Variants in MYO1H observed in about 807,000 individuals in gnomAD.
MYO1H encodes unconventional myosin-Ih.
In MYO1H, 118 loss-of-function variants were observed where a neutral mutation model predicts 149.3. The observed-to-expected ratio is 0.79, with a 90% CI of 0.68 to 0.92. The LOEUF is 0.92. MYO1H is among the 40% of genes least tolerant of loss of function. The probability of loss-of-function intolerance (pLI) is 0.00; values close to 1 mark genes in which losing one functional copy is unlikely to be tolerated. For synonymous variants in MYO1H, 447 were observed against 465.2 expected (o/e 0.96, Z 0.50); for missense variants, 1,212 against 1,280.7 (o/e 0.95, Z 0.82).
Position 109,444,074 on chromosome 12 carries a change from A to G in MYO1H, c.2825-139A>G. ...AGCCCACTAGCAGGCTAAGATTTCT[A>G]AAGTATGCCCTTCATCCTTCTGGGC... On this transcript the variant is annotated intron_variant, in intron 28 of 31. Transcript: ENST00000310903. 7.1e-6 allele frequency: 5 copies of G among 699,568 alleles called. No homozygotes were observed. The East Asian group carries it at 1.0e-4, about 14-fold the overall frequency. 43.3% of individuals were successfully genotyped at this position (699,568 alleles called of 1,614,324 possible). A position where few individuals can be genotyped will look rare whatever the true frequency, so the allele number is the denominator to read the frequency against.
the MYO1H span, among the ~76,000 whole-genome samples, chr12:109,331,771 A>C: frequency 6.6e-6 from 1 of 152,216 alleles, no homozygotes; most frequent in African/African-American, 2.4e-5. Flanking sequence ...ACAGCTTGAA[A>C]ATGTAGCTCC....
intron 1 of MYO1H, among the ~76,000 whole-genome samples, chr12:109,358,440 GCTAA>G (rs1412041272): frequency 6.6e-6 from 1 of 152,024 alleles, no homozygotes; most frequent in Admixed American, 6.6e-5. Context: ...TCTCCACAAG[GCTAA>G]CTAATTTTCC....
At chr12:109,380,193 G>A (rs1869174966) in intron 1 of MYO1H, among the ~76,000 whole-genome samples, 1 of 151,964 alleles carries the variant, frequency 6.6e-6, no homozygotes, top group African/African-American at 2.4e-5. Flanking sequence ...CCGCACCCAG[G>A]CCAATTTTAA....
chr12:109,340,764 G>A, the MYO1H span, among the ~76,000 whole-genome samples: 7 of 152,220 alleles, frequency 4.6e-5, no homozygotes, highest in Admixed American at 6.5e-5. Flanking sequence ...TTTCAACTCC[G>A]GCAAATCTGT....
chr12:109,411,887 T>C lies in MYO1H; in HGVS notation c.1411-7T>C. 6.3e-7 allele frequency: 1 copy of C among 1,594,018 alleles called. No individual in the cohort carries two copies. Among genetic ancestry groups the C allele is most frequent in the East Asian group, 2.3e-5 (1 of 44,356 alleles). ...TGTGGATTGAGGCTTCTCTTTTTCT[T>C]TTGAAGGATGAAGAATGCATTCGGC... On this transcript the variant is annotated splice_polypyrimidine_tract_variant and splice_region_variant and intron_variant, in intron 13 of 31. Coordinates refer to ENST00000310903, the Ensembl canonical transcript of MYO1H.
At chr12:109,393,943 A>C (rs774362775) in intron 3 of MYO1H, among the ~76,000 whole-genome samples, 1 of 150,678 alleles carries the variant, frequency 6.6e-6, no homozygotes, top group Non-Finnish European at 1.5e-5. Context: ...CTGGTGCCTG[A>C]GTGTCATAGC....
At chr12:109,375,881 A>G (rs1487570370) in intron 1 of MYO1H, among the ~76,000 whole-genome samples, 1 of 152,158 alleles carries the variant, frequency 6.6e-6, no homozygotes, top group Non-Finnish European at 1.5e-5. Flanking sequence ...TGGGAAGCTA[A>G]GGCAAGAGGA....
intron 8 of MYO1H, 119 bp from the exon 9 acceptor site, chr12:109,406,670 A>T: frequency 2.2e-6 from 2 of 889,686 alleles, no homozygotes; most frequent in East Asian, 2.6e-5. Flanking sequence ...ACAATGAGCT[A>T]TGATTGTGCC....
At chr12:109,431,829 C>T (rs1408684656) in intron 19 of MYO1H, among the ~76,000 whole-genome samples, 1 of 151,842 alleles carries the variant, frequency 6.6e-6, no homozygotes, top group African/African-American at 2.4e-5. Context: ...AGCATGGAAC[C>T]CTTTCTTTCT....
chr12:109,345,854 T>G (rs1240154494), upstream of MYO1H, among the ~76,000 whole-genome samples: 1 of 152,172 alleles, frequency 6.6e-6, no homozygotes. Flanking sequence ...TCATGAAAGG[T>G]CACATATTGT....
At chr12:109,434,460 C>T (rs947632162) in intron 20 of MYO1H, among the ~76,000 whole-genome samples, 1 of 152,194 alleles carries the variant, frequency 6.6e-6, no homozygotes, top group African/African-American at 2.4e-5. Context: ...CACCACTGCA[C>T]TCCAGCCTGG....
the MYO1H span, among the ~76,000 whole-genome samples, chr12:109,318,986 T>TTTTTTTG: frequency 6.8e-5 from 10 of 146,642 alleles, no homozygotes; most frequent in Admixed American, 1.4e-4. Context: ...TTTTTTTTTT[T>TTTTTTTG]TTTTTTTTGC....
chr12:109,441,631 TTA>T lies in MYO1H; in HGVS notation c.2556_2557del (p.Thr853LysfsTer2). ...TATTACCAGATGCAGCAAAAGGTAG[TTA>T]CAAGTGAAATCTTCAGGGGAAGGAA... On this transcript the variant is annotated frameshift_variant, in exon 26 of 32. Coordinates refer to ENST00000310903, the Ensembl canonical transcript of MYO1H. LOFTEE classifies it high-confidence loss of function. 6.2e-7 allele frequency: 1 copy of T among 1,611,524 alleles called. No homozygotes were observed. The highest frequency in any genetic ancestry group is 8.5e-7 in the Non-Finnish European group (1 of 1,178,794).
At chr12:109,440,591 G>A (rs945821681) in intron 24 of MYO1H, 153 bp from the exon 25 acceptor site, 2 of 626,050 alleles carry the variant, frequency 3.2e-6, no homozygotes, top group East Asian at 2.8e-5. Context: ...AGAGGATCAG[G>A]TTAGCTGCTG....
upstream of MYO1H, among the ~76,000 whole-genome samples, chr12:109,344,184 T>G (rs914327272): frequency 6.6e-6 from 1 of 152,174 alleles, no homozygotes; most frequent in Non-Finnish European, 1.5e-5. Flanking sequence ...CACATCACAT[T>G]AAGGGCACAT....
intron 9 of MYO1H, 27 bp from the exon 10 acceptor site, chr12:109,407,767 A>G (rs1413698770): frequency 2.5e-6 from 4 of 1,610,682 alleles, no homozygotes; most frequent in South Asian, 2.2e-5. Context: ...TTCCACCTAT[A>G]ATGATGCACC....
intron 28 of MYO1H, among the ~76,000 whole-genome samples, chr12:109,443,901 CAAAAAAA>C (rs370108094): frequency 7.1e-6 from 1 of 141,172 alleles, no homozygotes; most frequent in African/African-American, 2.6e-5. Flanking sequence ...GACTCTGGCT[CAAAAAAA>C]AAAACAAAAA....
At chr12:109,401,321 CAG>C (rs1414924096) in intron 6 of MYO1H, 49 bp downstream of exon 6, 5 of 1,544,382 alleles carry the variant, frequency 3.2e-6, no homozygotes, top group South Asian at 1.2e-5. Flanking sequence ...AGCAGGGGAT[CAG>C]AGATGTTTCT....
the MYO1H span, among the ~76,000 whole-genome samples, chr12:109,319,167 G>A: frequency 7.2e-5 from 11 of 152,014 alleles, no homozygotes; most frequent in Admixed American, 6.6e-4. Context: ...AAAGGTGGAA[G>A]CAACCCAACA....
Sources: allele counts gnomAD v4.1 joint callset (sites outside exome capture counted in the v4.1 genomes callset), GRCh38; gene constraint gnomAD v4.1.1; transcripts MANE v1.5; gene names NCBI Gene and HGNC (gene_info 2026-07-23, HGNC 2026-07-21).